Variants in FANCE observed in about 807,000 individuals in gnomAD.
The protein encoded by FANCE is FA complementation group E.
A neutral mutation model predicts 57.8 loss-of-function variants in FANCE; 42 were observed. The ratio of observed to expected loss-of-function variants is 0.73; its 90% CI spans 0.57 to 0.94. FANCE has a LOEUF of 0.94. Ranked by LOEUF, FANCE falls within the 40% of genes least tolerant of loss-of-function variation. The pLI, the probability that FANCE is intolerant of heterozygous loss-of-function variation, is 0.00. For missense variants in FANCE, 608 were observed against 661.8 expected (o/e 0.92, Z 0.89); for synonymous variants, 251 against 286.4 (o/e 0.88, Z 1.25).
At chr6:35,464,739 T>G (rs1581710680) in intron 9 of FANCE, among the ~76,000 whole-genome samples, 1 of 145,488 alleles carries the variant, frequency 6.9e-6, no homozygotes, top group Admixed American at 6.8e-5. Flanking sequence ...TTTTTTTTTT[T>G]TTTTTTTTTT....
chr6:35,463,268 T>C (rs1362710178), intron 9 of FANCE, among the ~76,000 whole-genome samples: 3 of 152,090 alleles, frequency 2.0e-5, no homozygotes, highest in East Asian at 1.9e-4. Flanking sequence ...TACTGCATTC[T>C]AGCCTGGGCA....
At chr6:35,463,566 A>G (rs1400594163) in intron 9 of FANCE, among the ~76,000 whole-genome samples, 1 of 152,320 alleles carries the variant, frequency 6.6e-6, no homozygotes, top group East Asian at 1.9e-4. Context: ...AAGATCTGGT[A>G]GGAGCCAGGT....
intron 8 of FANCE, among the ~76,000 whole-genome samples, chr6:35,462,315 C>T (rs1422008555): frequency 6.6e-6 from 1 of 151,808 alleles, no homozygotes; most frequent in East Asian, 2.0e-4. Context: ...CCATGTTGGC[C>T]AGGCTGGTCT....
chr6:35,457,503 G>C lies in FANCE; in HGVS notation c.856-53G>C. The C allele has an allele frequency of 3.7e-6, 6 of 1,602,488 alleles. No homozygotes were observed. The South Asian group carries it at 4.4e-5, about 12-fold the overall frequency. On this transcript the variant is annotated intron_variant, in intron 2 of 9. Transcript: ENST00000229769. The stretch of plus-strand genomic sequence containing the variant: ...AGTAGGGGGAGCCAGAACCGGGCTT[G>C]GGGTCATGCTGCAGGGGGAGGGACG...
In FANCE at chr6:35,456,066, G is replaced by A. The variant is rs2150891011; in HGVS notation, c.568G>A (p.Glu190Lys). ...CCAGGCTCCAGACCCTGAAGAAGAG[G>A]AGAACAGGGACTCCCAGCAGCCTGG... Reference protein sequence around the residue: ...SPQAPDPEEEENRDSQQPGKR... With the variant: ...SPQAPDPEEEKNRDSQQPGKR... Residue 190 changes from glutamate (E) to lysine (K), a missense_variant, in exon 2 of 10, where the codon GAG becomes AAG. Glu to Lys is a moderately conservative substitution (Grantham distance 56). Coordinates refer to ENST00000229769, the MANE Select transcript of FANCE (RefSeq NM_021922.3). The surrounding 1 kb of genome is among the most constrained non-coding windows in gnomAD (Gnocchi z 4.3). 1 of 1,613,660 alleles carries A rather than the reference G, an allele frequency of 6.2e-7. No individual in the cohort carries two copies. Among genetic ancestry groups the A allele is most frequent in the Non-Finnish European group, 8.5e-7 (1 of 1,179,886 alleles).
At chr6:35,466,213 G>A (rs749663547) in intron 9 of FANCE, 31 bp from the exon 10 acceptor site, 1 of 1,397,512 alleles carries the variant, frequency 7.2e-7, no homozygotes, top group Non-Finnish European at 1.0e-6. Context: ...TCAGTTGCTG[G>A]AGTCCTGACA....
intron 3 of FANCE, 91 bp downstream of exon 3, chr6:35,457,691 A>G: frequency 1.4e-6 from 2 of 1,433,960 alleles, no homozygotes; most frequent in Non-Finnish European, 1.9e-6. Context: ...GCAGTGATAT[A>G]CAAGCTGGCT....
At chr6:35,464,241 T>C (rs1186856629) in intron 9 of FANCE, among the ~76,000 whole-genome samples, 3 of 142,260 alleles carry the variant, frequency 2.1e-5, no homozygotes, top group Admixed American at 7.1e-5. Flanking sequence ...CTTCTTTTTT[T>C]TTTTTTTTTT....
At chr6:35,458,654 TTGAGA>T (rs935955527) in intron 5 of FANCE, among the ~76,000 whole-genome samples, 11 of 151,512 alleles carry the variant, frequency 7.3e-5, no homozygotes, top group African/African-American at 2.7e-4. Context: ...TTTTTTTTTT[TTGAGA>T]GAGAGTGTCT....
At chr6:35,463,124 C>A (rs1376828494) in intron 9 of FANCE, among the ~76,000 whole-genome samples, 2 of 152,150 alleles carry the variant, frequency 1.3e-5, no homozygotes, top group Non-Finnish European at 2.9e-5. Context: ...CATGGTAAAA[C>A]CTCATCTCTA....
chr6:35,454,871 T>C (rs1767262503), intron 1 of FANCE, among the ~76,000 whole-genome samples: 1 of 152,244 alleles, frequency 6.6e-6, no homozygotes, highest in Admixed American at 6.5e-5. Context: ...TCAGCACACT[T>C]AGAGAGTTAA....
chr6:35,457,464 C>G, intron 2 of FANCE, 92 bp from the exon 3 acceptor site: 1 of 1,411,412 alleles, frequency 7.1e-7, no homozygotes, highest in South Asian at 1.2e-5. Context: ...CTCCCACTGA[C>G]CTGGGGCCTT....
At chr6:35,462,643 T>C (rs1338681210) in intron 8 of FANCE, 146 bp from the exon 9 acceptor site, 4 of 896,448 alleles carry the variant, frequency 4.5e-6, no homozygotes, top group Admixed American at 4.1e-5. Context: ...TTTATAGATA[T>C]GGAAATGGAG....
In FANCE at chr6:35,456,433, C is replaced by A; in HGVS notation, c.855+80C>A. On this transcript the variant is annotated intron_variant, in intron 2 of 9. Transcript: ENST00000229769. This position sits in a 1 kb window ranked among gnomAD's most constrained non-coding sequence, Gnocchi z 4.3. Reference sequence around the variant, plus strand: ...TCCATGGGGAAGGCTGCTTGGGACACTTTTTCCCAATGGAGTTGACTGTAG... The same window carrying A: ...TCCATGGGGAAGGCTGCTTGGGACAATTTTTCCCAATGGAGTTGACTGTAG... 6.3e-7 allele frequency: 1 copy of A among 1,582,908 alleles called. No homozygotes were observed. The highest frequency in any genetic ancestry group is 8.7e-7 in the Non-Finnish European group (1 of 1,152,954).
At chr6:35,458,535 C>T (rs1767447562) in intron 5 of FANCE, 95 bp downstream of exon 5, 1 of 1,484,630 alleles carries the variant, frequency 6.7e-7, no homozygotes, top group Non-Finnish European at 9.3e-7. Flanking sequence ...GGATTCCCAG[C>T]CTTGTAGACA....
Position 35,452,532 on chromosome 6 carries a change from A to G in FANCE, c.-14A>G. On this transcript the variant is annotated 5_prime_UTR_variant, in exon 1 of 10. Transcript: ENST00000229769. ...ACACCAGAGTAGGGGGCGGCGCGGC[A>G]CCCGTGCCCCGGCATGGCGACACCG... 1 of 1,293,512 alleles carries G rather than the reference A, an allele frequency of 7.7e-7. No individual in the cohort carries two copies. Among genetic ancestry groups the G allele is most frequent in the Non-Finnish European group, 9.8e-7 (1 of 1,018,294 alleles). The allele number at this position is 1,293,512 out of a possible 1,614,324, so 80.1% of individuals were successfully genotyped here.
Position 35,452,738 on chromosome 6 carries a change from G to T in FANCE, c.193G>T (p.Glu65Ter). ...WEPFDWGRLL[E>*]ALCREEPVVQ... ...GCCCTTCGACTGGGGTCGCTTGCTC[G>T]AGGCCCTGTGCCGGGAGGAGCCGGT... is the stretch of plus-strand genomic sequence containing the variant. Residue 65 changes from glutamate to a stop codon, truncating the protein, a stop_gained, in exon 1 of 10, where the codon GAG (glutamate) becomes TAG (stop). Coordinates refer to ENST00000229769, the MANE Select transcript of FANCE (RefSeq NM_021922.3). LOFTEE classifies it high-confidence loss of function. 7.9e-7 allele frequency: 1 copy of T among 1,260,766 alleles called. No homozygotes were observed. The highest frequency in any genetic ancestry group is 3.1e-5 in the East Asian group (1 of 31,930). 78.1% of individuals were successfully genotyped at this position (1,260,766 alleles called of 1,614,324 possible). A position where few individuals can be genotyped will look rare whatever the true frequency, so the allele number is the denominator to read the frequency against.
intron 4 of FANCE, 34 bp from the exon 5 acceptor site, chr6:35,458,263 C>A (rs374964864): frequency 3.1e-6 from 5 of 1,611,362 alleles, no homozygotes; most frequent in Non-Finnish European, 3.4e-6. Flanking sequence ...GTGCATGTCC[C>A]GGTGTCCTCT....
chr6:35,455,854 A>C lies in FANCE; in HGVS notation c.356A>C (p.Gln119Pro), dbSNP rs781123077. Residue 119 changes from glutamine to proline, a missense_variant, in exon 2 of 10, where the codon CAG becomes CCG. By Grantham distance (76) the Gln-to-Pro change is moderately conservative. Coordinates refer to ENST00000229769, the MANE Select transcript of FANCE (RefSeq NM_021922.3). ...LPESGLLSVL[Q>P]IAQQDLAPDP... ...GAAAGTGGGCTCCTCTCTGTGCTGC[A>C]GATTGCCCAGCAGGACCTAGCCCCT... 7.6e-5 allele frequency: 123 copies of C among 1,614,042 alleles called. No individual in the cohort carries two copies. The highest frequency in any genetic ancestry group is 3.5e-4 in the Admixed American group (21 of 59,986).
Sources: allele counts gnomAD v4.1 joint callset (sites outside exome capture counted in the v4.1 genomes callset), GRCh38; gene constraint gnomAD v4.1.1; non-coding constraint Gnocchi (gnomAD v3.1); transcripts MANE v1.5; gene names NCBI Gene and HGNC (gene_info 2026-07-23, HGNC 2026-07-21).